IGF1R: variants seen among roughly 807,000 people sequenced by gnomAD.
IGF1R encodes the protein insulin-like growth factor 1 receptor.
IGF1R carries 44 observed loss-of-function variants against 144.6 expected under a neutral mutation model. The observed-to-expected ratio is 0.30, with a 90% CI of 0.24 to 0.39. The LOEUF (loss-of-function observed/expected upper bound fraction) is 0.39. IGF1R is among the 10% of genes least tolerant of loss of function. The pLI, the probability that IGF1R is intolerant of heterozygous loss-of-function variation, is 1.00. For synonymous variants in IGF1R, 795 were observed against 722.8 expected (o/e 1.10, Z -1.60); for missense variants, 1,355 against 1,833.7 (o/e 0.74, Z 4.77).
intron 1 of IGF1R, among the ~76,000 whole-genome samples, chr15:98,672,720 A>C (rs917119724): frequency 6.6e-6 from 1 of 152,228 alleles, no homozygotes; most frequent in African/African-American, 2.4e-5. Context: ...TTATAGGATG[A>C]TAATGGCTTG....
intron 1 of IGF1R, among the ~76,000 whole-genome samples, chr15:98,653,918 T>C (rs753111922): frequency 2.6e-5 from 4 of 152,238 alleles, no homozygotes; most frequent in Non-Finnish European, 5.9e-5. Flanking sequence ...TTTGTAAGAA[T>C]GTGCTGTAAG....
At chr15:98,953,495 T>C (rs2016858450) in intron 20 of IGF1R, among the ~76,000 whole-genome samples, 1 of 152,214 alleles carries the variant, frequency 6.6e-6, no homozygotes, top group Non-Finnish European at 1.5e-5. Flanking sequence ...GGGTGCGTGC[T>C]GACCCTGAGG....
At position 98,836,353 on chromosome 15, in the gene IGF1R, C is replaced by CA. The variant is rs201505359; in HGVS notation, c.641-54963dup. ...AGACCAAGCTGTGAGACTATCTCTA[C>CA]AAAAAAAAAGAAATTAAGTAGCCAG... is the stretch of plus-strand genomic sequence containing the variant. On this transcript the variant is annotated intron_variant, in intron 2 of 20. Coordinates refer to ENST00000650285, the MANE Select transcript of IGF1R (RefSeq NM_000875.5). Among the ~76,000 whole-genome samples the CA allele has an allele frequency of 4.1e-3, 615 of 149,612 alleles. 2 individuals carry two copies. The highest frequency in any genetic ancestry group is 0.013 in the African/African-American group (545 of 40,796).
At position 98,729,942 on chromosome 15, in the gene IGF1R, T is replaced by C. The variant is rs569500549; in HGVS notation, c.640+21835T>C. Among the ~76,000 whole-genome samples the C allele has an allele frequency of 5.9e-5, 9 of 152,316 alleles. 1 individual carries two copies. The South Asian group carries it at 6.2e-4, about 11-fold the overall frequency. ...ACACCCTGTCTGCAGGTCCATGATA[T>C]TGTAATTAAAAAGTTATGGGATCAC... On this transcript the variant is annotated intron_variant, in intron 2 of 20. Transcript: ENST00000650285.
At chr15:98,854,855 C>T (rs1010162972) in intron 2 of IGF1R, among the ~76,000 whole-genome samples, 3 of 152,158 alleles carry the variant, frequency 2.0e-5, no homozygotes, top group Admixed American at 2.0e-4. Context: ...TGAGGCAGTA[C>T]GAGTACCCTG....
chr15:98,820,358 A>G (rs760156293), intron 2 of IGF1R, among the ~76,000 whole-genome samples: 13 of 152,208 alleles, frequency 8.5e-5, no homozygotes, highest in Non-Finnish European at 1.6e-4. Context: ...TTTTTTAAGC[A>G]ATACAATTTA....
chr15:98,870,432 C>T (rs890174122), intron 2 of IGF1R, among the ~76,000 whole-genome samples: 5 of 152,134 alleles, frequency 3.3e-5, no homozygotes, highest in Admixed American at 2.0e-4. Flanking sequence ...TGATGACATC[C>T]AGCAGGCAGG....
chr15:98,851,068 G>A (rs2011509374), intron 2 of IGF1R, among the ~76,000 whole-genome samples: 1 of 152,204 alleles, frequency 6.6e-6, no homozygotes, highest in South Asian at 2.1e-4. Flanking sequence ...CAGGAAGTGG[G>A]CTGGCCAGGG....
chr15:98,930,329 T>G, intron 15 of IGF1R, 24 bp downstream of exon 15: 1 of 1,573,834 alleles, frequency 6.4e-7, no homozygotes, highest in Non-Finnish European at 8.7e-7. Context: ...CCACCAGCAC[T>G]GCCAGCGTGC....
chr15:98,924,677 G>A lies in IGF1R; in HGVS notation c.2775G>A (p.Gln925=). The A allele has an allele frequency of 1.2e-6, 2 of 1,613,764 alleles. No individual in the cohort carries two copies. Among genetic ancestry groups the A allele is most frequent in the Non-Finnish European group, 1.7e-6 (2 of 1,179,958 alleles). Residue 925 remains glutamine (Q), a synonymous_variant, in exon 13 of 21, where the codon CAG becomes CAA. Transcript: ENST00000650285. ...SWTDPVFFYV[Q]AKTGYENFIH... ...CAGATCCTGTGTTCTTCTATGTCCA[G>A]GCCAAAAGTAAGGCTTGTGGAGGGA...
intron 2 of IGF1R, among the ~76,000 whole-genome samples, chr15:98,711,279 C>CTT (rs2053985657): frequency 6.6e-6 from 1 of 152,176 alleles, no homozygotes; most frequent in Non-Finnish European, 1.5e-5. Flanking sequence ...TTCAGGTAAT[C>CTT]TTCTGTTGGC....
chr15:98,921,408 G>A (rs764814537), intron 10 of IGF1R, among the ~76,000 whole-genome samples: 12 of 152,056 alleles, frequency 7.9e-5, no homozygotes, highest in Non-Finnish European at 1.5e-4. Context: ...TTTGCTTTTC[G>A]GTTGTTCCAA....
intron 2 of IGF1R, among the ~76,000 whole-genome samples, chr15:98,872,669 C>CTGA (rs1208308194): frequency 3.3e-5 from 5 of 152,230 alleles, no homozygotes; most frequent in African/African-American, 9.6e-5. Context: ...ACAAGTCCCT[C>CTGA]TGATACACAG....
At chr15:98,828,096 C>G (rs555116894) in intron 2 of IGF1R, among the ~76,000 whole-genome samples, 19 of 152,186 alleles carry the variant, frequency 1.2e-4, no homozygotes, top group Non-Finnish European at 2.2e-4. Flanking sequence ...GGCATTCACC[C>G]TCTGGTCCAG....
At chr15:98,864,606 G>C (rs1198719976) in intron 2 of IGF1R, among the ~76,000 whole-genome samples, 1 of 152,130 alleles carries the variant, frequency 6.6e-6, no homozygotes, top group Admixed American at 6.5e-5. Flanking sequence ...GGTCCCTCTT[G>C]AACTCCTGGC....
intron 5 of IGF1R, among the ~76,000 whole-genome samples, chr15:98,901,089 A>G (rs994241731): frequency 5.9e-5 from 9 of 152,232 alleles, no homozygotes; most frequent in Non-Finnish European, 5.9e-5. Flanking sequence ...TTTTATTTGC[A>G]AGAATATTTA....
At chr15:98,870,950 T>C (rs2012751731) in intron 2 of IGF1R, among the ~76,000 whole-genome samples, 1 of 152,102 alleles carries the variant, frequency 6.6e-6, no homozygotes, top group East Asian at 1.9e-4. Flanking sequence ...ATAGTGGAGG[T>C]GCGGGAGGCA....
intron 19 of IGF1R, among the ~76,000 whole-genome samples, chr15:98,944,152 C>T (rs957160034): frequency 3.3e-5 from 5 of 152,064 alleles, no homozygotes; most frequent in Admixed American, 6.5e-5. Flanking sequence ...TTCTAGGCTT[C>T]GTGCCTCCAG....
intron 1 of IGF1R, among the ~76,000 whole-genome samples, chr15:98,660,939 G>A (rs747777659): frequency 2.1e-4 from 32 of 152,132 alleles, no homozygotes; most frequent in Non-Finnish European, 4.0e-4. Context: ...TCTCCGGAGT[G>A]GCCTGGTGCA....
Sources: allele counts gnomAD v4.1 joint callset (sites outside exome capture counted in the v4.1 genomes callset), GRCh38; gene constraint gnomAD v4.1.1; transcripts MANE v1.5; gene names NCBI Gene and HGNC (gene_info 2026-07-23, HGNC 2026-07-21).